Variants in RBKS observed in about 807,000 individuals in gnomAD.
RBKS encodes ribokinase.
Under a neutral mutation model 33.9 loss-of-function variants are expected in RBKS, and 33 were observed. The ratio of observed to expected loss-of-function variants is 0.97; its 90% CI spans 0.74 to 1.30. The LOEUF (loss-of-function observed/expected upper bound fraction) is 1.30. Ranked by LOEUF, RBKS falls within the 50% of genes most tolerant of loss-of-function variation. The pLI is 0.00. For synonymous variants in RBKS, 125 were observed against 143.0 expected (o/e 0.87, Z 0.90); for missense variants, 361 against 392.6 (o/e 0.92, Z 0.68).
At chr2:27,827,883 G>A (rs1011240957) in intron 6 of RBKS, 128 bp from the exon 7 acceptor site, 2 of 708,630 alleles carry the variant, frequency 2.8e-6, no homozygotes, top group African/African-American at 1.8e-5. Context: ...AACCTTGATA[G>A]ATACTGGTAC....
chr2:27,802,977 C>G (rs1677830069), intron 7 of RBKS, among the ~76,000 whole-genome samples: 1 of 152,142 alleles, frequency 6.6e-6, no homozygotes, highest in Admixed American at 6.6e-5. Context: ...CTGAATTTTT[C>G]TTTTTCTTTC....
chr2:27,870,445 T>C (rs997943940), intron 1 of RBKS: 12 of 177,140 alleles, frequency 6.8e-5, no homozygotes, highest in Admixed American at 5.8e-5. Flanking sequence ...GGAGTGGCTC[T>C]TGTAACTCAA....
chr2:27,878,036 T>C (rs1041390646), intron 1 of RBKS, among the ~76,000 whole-genome samples: 2 of 144,448 alleles, frequency 1.4e-5, no homozygotes, highest in Non-Finnish European at 3.1e-5. Context: ...TTATTTTTTT[T>C]AATTATTATT....
chr2:27,852,583 G>A (rs1408047741), intron 2 of RBKS, among the ~76,000 whole-genome samples: 1 of 152,142 alleles, frequency 6.6e-6, no homozygotes, highest in East Asian at 1.9e-4. Flanking sequence ...AAATGACTGA[G>A]GAATGGTTGT....
intron 1 of RBKS, chr2:27,870,714 G>T: frequency 2.2e-6 from 1 of 453,228 alleles, no homozygotes; most frequent in Non-Finnish European, 4.5e-6. Context: ...TCTTTGATGT[G>T]AGTAGTGAAA....
intron 6 of RBKS, among the ~76,000 whole-genome samples, chr2:27,832,130 TA>T (rs1364219568): frequency 6.6e-6 from 1 of 151,066 alleles, no homozygotes; most frequent in Non-Finnish European, 1.5e-5. Context: ...AGTTGATAGA[TA>T]GTCTGTTCAG....
At chr2:27,870,952 C>G (rs1157787051) in intron 1 of RBKS, 1 of 454,882 alleles carries the variant, frequency 2.2e-6, no homozygotes, top group Non-Finnish European at 4.4e-6. Flanking sequence ...GACTCATCAA[C>G]CTGGACTGCG....
At position 27,814,708 on chromosome 2, in the gene RBKS, G is replaced by T. The variant is rs138477046; in HGVS notation, c.795+12859C>A. Among the ~76,000 whole-genome samples, 4 of 152,304 alleles carry T rather than the reference G, an allele frequency of 2.6e-5. No homozygotes were observed. The East Asian group carries it at 7.7e-4, about 29-fold the overall frequency. On this transcript the variant is annotated intron_variant, in intron 7 of 7. Coordinates refer to ENST00000302188, the MANE Select transcript of RBKS (RefSeq NM_022128.3). ...ATTTTTGTTTGCTTGACCAAGGAAAGAAAACAATGTAACATTTTCAGTTTT... is the reference window on the plus strand; with the variant it reads ...ATTTTTGTTTGCTTGACCAAGGAAATAAAACAATGTAACATTTTCAGTTTT...
At chr2:27,785,996 A>C (rs1298114270) in intron 7 of RBKS, among the ~76,000 whole-genome samples, 1 of 152,242 alleles carries the variant, frequency 6.6e-6, no homozygotes. Context: ...TGCAGCTATT[A>C]ATGAGAAAAG....
At position 27,883,317 on chromosome 2, in the gene RBKS, A is replaced by C. The variant is rs183376904; in HGVS notation, c.89+6940T>G. 3.4e-3 allele frequency among the ~76,000 whole-genome samples: 508 copies of C among 151,408 alleles called. 6 individuals are homozygous for C. Among genetic ancestry groups the C allele is most frequent in the African/African-American group, 0.012 (492 of 41,164 alleles). On this transcript the variant is annotated intron_variant, in intron 1 of 7. Coordinates refer to ENST00000302188, the MANE Select transcript of RBKS (RefSeq NM_022128.3). ...CTGGTTCACACCATTCTCCTGCCTC[A>C]GCCTCCCGAGTAGCTGGGACTACAG...
At chr2:27,845,158 G>T (rs1663599213) in intron 4 of RBKS, among the ~76,000 whole-genome samples, 1 of 152,192 alleles carries the variant, frequency 6.6e-6, no homozygotes, top group South Asian at 2.1e-4. Flanking sequence ...CTGCTTCCAT[G>T]TTGCTGTCTC....
chr2:27,881,127 C>T (rs184457974), intron 1 of RBKS, among the ~76,000 whole-genome samples: 4 of 152,140 alleles, frequency 2.6e-5, no homozygotes, highest in East Asian at 1.9e-4. Context: ...TGTGTGCCTG[C>T]GGTTCCAGCT....
intron 2 of RBKS, among the ~76,000 whole-genome samples, chr2:27,857,042 T>C (rs958976346): frequency 3.9e-5 from 6 of 152,236 alleles, no homozygotes; most frequent in Non-Finnish European, 5.9e-5. Flanking sequence ...CAAATAGCCA[T>C]GTGAAAATTA....
chr2:27,867,703 A>G (rs1028131950), intron 1 of RBKS, among the ~76,000 whole-genome samples: 5 of 152,204 alleles, frequency 3.3e-5, no homozygotes, highest in African/African-American at 4.8e-5. Context: ...CTAGAGGAAG[A>G]AAAAAGGTTG....
chr2:27,827,178 G>C (rs192508094), intron 7 of RBKS, among the ~76,000 whole-genome samples: 1 of 152,262 alleles, frequency 6.6e-6, no homozygotes, highest in East Asian at 1.9e-4. Context: ...ATCTAAGCCC[G>C]ACAAGGGCAG....
intron 7 of RBKS, among the ~76,000 whole-genome samples, chr2:27,817,358 A>G (rs1196802015): frequency 3.3e-5 from 5 of 152,206 alleles, no homozygotes; most frequent in Non-Finnish European, 7.4e-5. Context: ...TGATTTGGTT[A>G]TAGTGTCTGA....
rs113631187 is a variant in RBKS at position 27,840,362 on chromosome 2, GCGCACA to G, written c.514+2699_514+2704del. Among the ~76,000 whole-genome samples, 261 of 90,102 alleles carry G rather than the reference GCGCACA, an allele frequency of 2.9e-3. 2 individuals carry two copies. Among genetic ancestry groups the G allele is most frequent in the African/African-American group, 9.2e-3 (224 of 24,428 alleles). 59.1% of individuals were successfully genotyped at this position (90,102 alleles called of 152,430 possible). A position where few individuals can be genotyped will look rare whatever the true frequency, so the allele number is the denominator to read the frequency against. Reference sequence around the variant, plus strand: ...CACACACACACACACACACGCGCGCGCGCACACACACACACACACACACACACACAC... The same window carrying G: ...CACACACACACACACACACGCGCGCGCACACACACACACACACACACACAC... On this transcript the variant is annotated intron_variant, in intron 5 of 7. Coordinates refer to ENST00000302188, the MANE Select transcript of RBKS (RefSeq NM_022128.3).
chr2:27,834,789 G>T (rs955120541), intron 5 of RBKS, among the ~76,000 whole-genome samples: 2 of 152,150 alleles, frequency 1.3e-5, no homozygotes, highest in African/African-American at 4.8e-5. Context: ...TACAAGTGTG[G>T]AACAACATGG....
At chr2:27,816,775 T>C (rs1429662761) in intron 7 of RBKS, among the ~76,000 whole-genome samples, 1 of 152,114 alleles carries the variant, frequency 6.6e-6, no homozygotes, top group African/African-American at 2.4e-5. Flanking sequence ...TTTTTTGTAT[T>C]TTTAGTAGAG....
Sources: gnomAD v4.1 joint callset for allele counts (sites outside exome capture counted in the v4.1 genomes callset) on GRCh38, gnomAD v4.1.1 for gene constraint, MANE v1.5 for transcripts, NCBI Gene and HGNC (gene_info 2026-07-23, HGNC 2026-07-21) for gene names.